Variants in SHISAL2B observed in about 807,000 individuals in gnomAD.
SHISAL2B encodes protein shisa-like-2B.
A neutral mutation model predicts 16.5 loss-of-function variants in SHISAL2B; 12 were observed. That is an observed-to-expected ratio of 0.73 (90% CI 0.47 to 1.18). SHISAL2B has a LOEUF of 1.18. Ranked by LOEUF, SHISAL2B falls within the 50% of genes most tolerant of loss-of-function variation. The pLI is 0.00. For synonymous variants in SHISAL2B, 72 were observed against 75.0 expected, an observed-to-expected ratio of 0.96 and a Z score of 0.21; for missense variants, 183 against 193.6, an observed-to-expected ratio of 0.95 and a Z score of 0.33.
rs115043757 is a variant in SHISAL2B at position 64,704,187 on chromosome 5, A to G, written c.349+8523A>G. Among the ~76,000 whole-genome samples, 347 of 152,346 alleles carry G rather than the reference A, an allele frequency of 2.3e-3. 3 individuals carry two copies. The highest frequency in any genetic ancestry group is 7.9e-3 in the African/African-American group (330 of 41,590). On this transcript the variant is annotated intron_variant, in intron 2 of 2. Transcript: ENST00000389074. Reference sequence around the variant, plus strand: ...GATGATAGTAGAAAGGCTTAATTACAGTTCTGCCTGATAGCCACAAGATAA... The same window carrying G: ...GATGATAGTAGAAAGGCTTAATTACGGTTCTGCCTGATAGCCACAAGATAA...
chr5:64,701,188 CT>C (rs375581767), intron 2 of SHISAL2B, among the ~76,000 whole-genome samples: 2 of 151,948 alleles, frequency 1.3e-5, no homozygotes, highest in South Asian at 2.1e-4. Flanking sequence ...ATTACAGATG[CT>C]TTTTTTTCCC....
Position 64,717,968 on chromosome 5 carries a change from T to C in SHISAL2B, c.429T>C (p.Asp143=). ...NATNETYYEA[D]DIIQEKTMDA... ...CAAATGAAACATACTATGAAGCTGA[T>C]GATATAATTCAAGAAAAAACAATGG... is the stretch of plus-strand genomic sequence containing the variant. Residue 143 remains aspartate, a synonymous_variant, in exon 3 of 3, where the codon GAT becomes GAC. Transcript: ENST00000389074. 6.6e-7 allele frequency: 1 copy of C among 1,522,146 alleles called. No homozygotes were observed. The highest frequency in any genetic ancestry group is 8.7e-7 in the Non-Finnish European group (1 of 1,143,652). The allele number at this position is 1,522,146 out of a possible 1,614,324, so 94.3% of individuals were successfully genotyped here.
At chr5:64,697,346 T>G (rs1340833069) in intron 2 of SHISAL2B, among the ~76,000 whole-genome samples, 1 of 152,198 alleles carries the variant, frequency 6.6e-6, no homozygotes, top group Non-Finnish European at 1.5e-5. Context: ...AAAAAATAAG[T>G]AGAAGATGTA....
chr5:64,695,062 C>T (rs1346519714), intron 1 of SHISAL2B, among the ~76,000 whole-genome samples: 2 of 151,982 alleles, frequency 1.3e-5, no homozygotes, highest in African/African-American at 4.8e-5. Context: ...CTCAGGAGTT[C>T]GAGACCATCC....
intron 1 of SHISAL2B, 87 bp downstream of exon 1, chr5:64,690,901 T>A: frequency 8.7e-7 from 1 of 1,153,078 alleles, no homozygotes; most frequent in Non-Finnish European, 1.2e-6. Context: ...CCAGGGAGGT[T>A]CCCCCGCGTC....
At chr5:64,714,460 A>G (rs934421762) in intron 2 of SHISAL2B, among the ~76,000 whole-genome samples, 4 of 150,138 alleles carry the variant, frequency 2.7e-5, no homozygotes, top group Admixed American at 6.6e-5. Context: ...AGACAGGGAC[A>G]TTTAAGTCTG....
At chr5:64,717,440 G>A (rs1742073143) in intron 2 of SHISAL2B, among the ~76,000 whole-genome samples, 2 of 152,170 alleles carry the variant, frequency 1.3e-5, no homozygotes, top group Non-Finnish European at 2.9e-5. Context: ...TTTATATGGA[G>A]TGAGTGAATG....
At chr5:64,712,720 C>T (rs572183802) in intron 2 of SHISAL2B, among the ~76,000 whole-genome samples, 96 of 152,200 alleles carry the variant, frequency 6.3e-4, no homozygotes, top group South Asian at 4.0e-3. Context: ...AATCTGGGTG[C>T]TCCTGTATTG....
intron 1 of SHISAL2B, among the ~76,000 whole-genome samples, chr5:64,692,840 C>T (rs1457247911): frequency 6.6e-6 from 1 of 152,098 alleles, no homozygotes; most frequent in Non-Finnish European, 1.5e-5. Context: ...TAGGATTTTC[C>T]TTGGTAACCT....
Position 64,690,593 on chromosome 5 carries a change from C to G in SHISAL2B, c.-31C>G. ...GTGCGATCCGAGAGCAGACCGGGGC[C>G]CTCGCGAGCCTCTCCCGGCCCCTGC... On this transcript the variant is annotated 5_prime_UTR_variant, in exon 1 of 3. Coordinates refer to ENST00000389074, the MANE Select transcript of SHISAL2B (RefSeq NM_001164442.2). 1 of 1,440,492 alleles carries G rather than the reference C, an allele frequency of 6.9e-7. No homozygotes were observed. Among genetic ancestry groups the G allele is most frequent in the South Asian group, 1.4e-5 (1 of 70,948 alleles). The allele number at this position is 1,440,492 out of a possible 1,614,324, so 89.2% of individuals were successfully genotyped here.
intron 2 of SHISAL2B, among the ~76,000 whole-genome samples, chr5:64,696,932 A>T (rs986850472): frequency 1.3e-4 from 20 of 152,048 alleles, no homozygotes; most frequent in East Asian, 9.7e-4. Context: ...GACGCTTGTG[A>T]TCTTTGTGAC....
intron 2 of SHISAL2B, among the ~76,000 whole-genome samples, chr5:64,700,282 T>A (rs1167882364): frequency 6.6e-6 from 1 of 152,294 alleles, no homozygotes; most frequent in East Asian, 1.9e-4. Flanking sequence ...ATGTATACAG[T>A]TGTCCCTCAG....
intron 2 of SHISAL2B, among the ~76,000 whole-genome samples, chr5:64,707,663 G>T (rs1333475368): frequency 6.6e-6 from 1 of 152,164 alleles, no homozygotes; most frequent in Non-Finnish European, 1.5e-5. Flanking sequence ...CAGGCAGAGA[G>T]AAATATGCTC....
chr5:64,692,214 C>A (rs371792307), intron 1 of SHISAL2B, among the ~76,000 whole-genome samples: 1 of 152,158 alleles, frequency 6.6e-6, no homozygotes, highest in African/African-American at 2.4e-5. Context: ...TTACTAATGG[C>A]AGAAGCACCT....
At chr5:64,698,377 C>T (rs1226853666) in intron 2 of SHISAL2B, among the ~76,000 whole-genome samples, 1 of 152,192 alleles carries the variant, frequency 6.6e-6, no homozygotes, top group African/African-American at 2.4e-5. Context: ...CAGTCTTCAT[C>T]ATGACCTGTG....
intron 1 of SHISAL2B, among the ~76,000 whole-genome samples, chr5:64,693,471 A>G (rs1202656552): frequency 1.3e-5 from 2 of 152,166 alleles, no homozygotes; most frequent in Non-Finnish European, 2.9e-5. Context: ...AGCCCACACT[A>G]TGTATGTGGA....
intron 2 of SHISAL2B, among the ~76,000 whole-genome samples, chr5:64,707,455 A>C (rs564179738): frequency 2.0e-5 from 3 of 152,268 alleles, no homozygotes; most frequent in Admixed American, 2.0e-4. Context: ...TTTTCCCCAA[A>C]GGGCTTTTAT....
intron 2 of SHISAL2B, among the ~76,000 whole-genome samples, chr5:64,710,398 C>A (rs1408691955): frequency 1.3e-5 from 1 of 79,986 alleles, no homozygotes; most frequent in Admixed American, 1.4e-4. Context: ...TGATCTATAT[C>A]TCTGTTTTGG....
intron 2 of SHISAL2B, among the ~76,000 whole-genome samples, chr5:64,711,091 AG>A (rs1741951383): frequency 7.4e-6 from 1 of 135,084 alleles, no homozygotes; most frequent in East Asian, 2.1e-4. Context: ...AGGAGCGGTG[AG>A]AGAGGGCATC....
Sources: gnomAD v4.1 joint callset for allele counts (sites outside exome capture counted in the v4.1 genomes callset) on GRCh38, gnomAD v4.1.1 for gene constraint, MANE v1.5 for transcripts, NCBI Gene and HGNC (gene_info 2026-07-23, HGNC 2026-07-21) for gene names.